Variants in ZMIZ1 observed in about 807,000 individuals in gnomAD.
The protein encoded by ZMIZ1 is zinc finger MIZ-type containing 1, also known as zinc finger MIZ domain-containing protein 1.
ZMIZ1 carries 17 observed loss-of-function variants against 113.9 expected under a neutral mutation model. The observed-to-expected ratio is 0.15, with a 90% CI of 0.10 to 0.22. The LOEUF (loss-of-function observed/expected upper bound fraction) is 0.22. Among genes scored for constraint, ZMIZ1 ranks in the 10% least tolerant of loss-of-function variants. The pLI is 1.00. For synonymous variants in ZMIZ1, 607 were observed against 603.1 expected (o/e 1.01, Z -0.09); for missense variants, 1,059 against 1,477.8 (o/e 0.72, Z 4.65).
In ZMIZ1 at chr10:79,298,503, T is replaced by G; in HGVS notation, c.1589T>G (p.Leu530Arg). Reference protein sequence around the residue: ...MTPGSSIPPYLSPSQDVKPPF... With the variant: ...MTPGSSIPPYRSPSQDVKPPF... ...CCTGGGAGCAGCATCCCTCCATACC[T>G]GTCCCCCAGCCAAGACGTCAAACCA... Residue 530 changes from leucine (L) to arginine (R), a missense_variant, in exon 15 of 25, where the codon CTG becomes CGG. Physicochemically the swap from Leu to Arg is moderately radical, Grantham distance 102. Around this residue, in one of 6 missense-constraint regions of ZMIZ1, gnomAD observed 239 missense variants for 247.5 expected, o/e 0.97. Coordinates refer to ENST00000334512, the MANE Select transcript of ZMIZ1 (RefSeq NM_020338.4). The G allele has an allele frequency of 1.2e-6, 2 of 1,602,220 alleles. No homozygotes were observed. Among genetic ancestry groups the G allele is most frequent in the Non-Finnish European group, 1.7e-6 (2 of 1,175,000 alleles).
intron 3 of ZMIZ1, among the ~76,000 whole-genome samples, chr10:79,157,767 A>G (rs371171707): frequency 2.0e-5 from 3 of 152,138 alleles, no homozygotes; most frequent in Non-Finnish European, 2.9e-5. Context: ...TTGGATAACC[A>G]TGGGGTAAAT....
At chr10:79,226,161 G>C (rs1849191019) in intron 7 of ZMIZ1, among the ~76,000 whole-genome samples, 1 of 152,112 alleles carries the variant, frequency 6.6e-6, no homozygotes, top group Non-Finnish European at 1.5e-5. Flanking sequence ...TCCCTTACAT[G>C]TCCAACCCTA....
chr10:79,139,603 C>A (rs1463178485), intron 2 of ZMIZ1, 79 bp from the exon 3 acceptor site: 2 of 397,650 alleles, frequency 5.0e-6, no homozygotes, highest in Non-Finnish European at 8.9e-6. Context: ...AGCTTGGCGG[C>A]AGGGACAGAG....
At chr10:79,114,533 G>A (rs1053024522) in intron 1 of ZMIZ1, among the ~76,000 whole-genome samples, 6 of 144,576 alleles carry the variant, frequency 4.2e-5, no homozygotes, top group Non-Finnish European at 9.2e-5. Flanking sequence ...GTGTGTGTGT[G>A]TGTGTGTGAA....
chr10:79,243,288 G>A (rs1433098455), intron 7 of ZMIZ1, among the ~76,000 whole-genome samples: 6 of 150,360 alleles, frequency 4.0e-5, no homozygotes, highest in Non-Finnish European at 5.9e-5. Flanking sequence ...CGCGCCCCCG[G>A]CCCATCCCCG....
intron 16 of ZMIZ1, among the ~76,000 whole-genome samples, chr10:79,300,025 G>C (rs1433527303): frequency 6.6e-6 from 1 of 151,916 alleles, no homozygotes; most frequent in Admixed American, 6.5e-5. Flanking sequence ...CACCCCTGCT[G>C]TTTTCTTGAC....
intron 16 of ZMIZ1, among the ~76,000 whole-genome samples, chr10:79,299,544 G>C (rs182517363): frequency 9.8e-5 from 15 of 152,374 alleles, no homozygotes; most frequent in African/African-American, 3.6e-4. Context: ...CATGTGGCCA[G>C]AGCCAGGAAT....
intron 1 of ZMIZ1, among the ~76,000 whole-genome samples, chr10:79,074,656 G>C (rs911130673): frequency 1.2e-4 from 18 of 152,238 alleles, no homozygotes; most frequent in African/African-American, 4.3e-4. Flanking sequence ...TCTTCGGGCT[G>C]AGTCAGTCCC....
intron 7 of ZMIZ1, among the ~76,000 whole-genome samples, chr10:79,273,376 G>A (rs532050904): frequency 1.3e-5 from 2 of 151,540 alleles, no homozygotes; most frequent in Non-Finnish European, 2.9e-5. Flanking sequence ...TTCCTTTTTG[G>A]AGGGGAATGG....
At chr10:79,070,926 TGAGG>T (rs1351095781) in intron 1 of ZMIZ1, among the ~76,000 whole-genome samples, 1 of 146,146 alleles carries the variant, frequency 6.8e-6, no homozygotes, top group Non-Finnish European at 1.5e-5. Context: ...TGCCCTGACA[TGAGG>T]GAGGAAGATT....
intron 9 of ZMIZ1, 46 bp from the exon 10 acceptor site, chr10:79,290,913 C>G: frequency 6.2e-7 from 1 of 1,603,114 alleles, no homozygotes; most frequent in East Asian, 2.2e-5. Flanking sequence ...CCTCTCCACA[C>G]TGCCTCGGGT....
chr10:79,090,776 G>A (rs1378898913), intron 1 of ZMIZ1, among the ~76,000 whole-genome samples: 1 of 152,248 alleles, frequency 6.6e-6, no homozygotes, highest in Non-Finnish European at 1.5e-5. Context: ...GGGAGCTGAG[G>A]TTTGGGGGGT....
intron 1 of ZMIZ1, among the ~76,000 whole-genome samples, chr10:79,092,939 C>T (rs1429846243): frequency 1.3e-5 from 2 of 151,836 alleles, no homozygotes; most frequent in South Asian, 2.1e-4. Flanking sequence ...GTACCGGAAG[C>T]AGCACCCCCA....
At chr10:79,220,856 GT>G (rs1848935567) in intron 7 of ZMIZ1, among the ~76,000 whole-genome samples, 1 of 149,136 alleles carries the variant, frequency 6.7e-6, no homozygotes, top group Admixed American at 6.7e-5. Context: ...CTCTGTGTAT[GT>G]CTGCATGGCT....
intron 7 of ZMIZ1, among the ~76,000 whole-genome samples, chr10:79,242,534 G>A (rs1453484950): frequency 6.7e-6 from 1 of 149,794 alleles, no homozygotes. Context: ...TGGATGCCTA[G>A]CCCCGCCCTC....
At chr10:79,127,113 G>A (rs1410830844) in intron 2 of ZMIZ1, among the ~76,000 whole-genome samples, 2 of 152,168 alleles carry the variant, frequency 1.3e-5, no homozygotes, top group African/African-American at 4.8e-5. Flanking sequence ...CTCCTGCTGG[G>A]GACAGGGAGG....
chr10:79,214,341 T>TAACCTAACAACATCCTTTTTCCTCCC (rs1848636515), intron 6 of ZMIZ1, among the ~76,000 whole-genome samples: 3 of 152,144 alleles, frequency 2.0e-5, no homozygotes, highest in Non-Finnish European at 4.4e-5. Context: ...GCAAGCATCC[T>TAACCTAACAACATCCTTTTTCCTCCC]AACCTAACAA....
At chr10:79,241,893 G>A (rs1478721728) in intron 7 of ZMIZ1, among the ~76,000 whole-genome samples, 4 of 152,032 alleles carry the variant, frequency 2.6e-5, no homozygotes, top group African/African-American at 9.7e-5. Flanking sequence ...AGCAGGGCAC[G>A]GCAGTCCAAT....
At chr10:79,242,683 C>A (rs985997780) in intron 7 of ZMIZ1, among the ~76,000 whole-genome samples, 1 of 151,524 alleles carries the variant, frequency 6.6e-6, no homozygotes, top group East Asian at 2.0e-4. Flanking sequence ...CCGAAGTCAT[C>A]CACCGCCAGC....
Sources: allele counts gnomAD v4.1 joint callset (sites outside exome capture counted in the v4.1 genomes callset), GRCh38; gene constraint gnomAD v4.1.1; regional missense constraint gnomAD v4.1.1; transcripts MANE v1.5; gene names NCBI Gene and HGNC (gene_info 2026-07-23, HGNC 2026-07-21).